The following PCDHGB1 variants were observed in gnomAD, a reference collection of about 807,000 sequenced individuals.
PCDHGB1 encodes the protein protocadherin gamma-B1.
In PCDHGB1, 34 loss-of-function variants were observed where a neutral mutation model predicts 56.6. The ratio of observed to expected loss-of-function variants is 0.60; its 90% CI spans 0.46 to 0.80. The LOEUF is 0.80. Ranked by LOEUF, PCDHGB1 falls within the 30% of genes least tolerant of loss-of-function variation. PCDHGB1 has a pLI of 0.00. For synonymous variants in PCDHGB1, 561 were observed against 505.9 expected (o/e 1.11, Z -1.46); for missense variants, 1,278 against 1,204.6 (o/e 1.06, Z -0.90).
intron 2 of PCDHGB1, among the ~76,000 whole-genome samples, chr5:141,496,121 C>A (rs1391009290): frequency 6.6e-6 from 1 of 152,088 alleles, no homozygotes; most frequent in Non-Finnish European, 1.5e-5. Flanking sequence ...TCCTTCCCTG[C>A]CCCTCACACA....
intron 1 of PCDHGB1, among the ~76,000 whole-genome samples, chr5:141,442,921 CATTTTCTA>C (rs1366534082): frequency 6.6e-6 from 1 of 152,196 alleles, no homozygotes. Context: ...ACAACTGTTT[CATTTTCTA>C]TTTAAGAAAC....
chr5:141,380,839 A>G (rs377236135), intron 1 of PCDHGB1, among the ~76,000 whole-genome samples: 1 of 152,258 alleles, frequency 6.6e-6, no homozygotes, highest in Non-Finnish European at 1.5e-5. Context: ...CATCAGGTAA[A>G]AATGGATCAA....
At chr5:141,380,816 A>C (rs546532723) in intron 1 of PCDHGB1, among the ~76,000 whole-genome samples, 1 of 152,374 alleles carries the variant, frequency 6.6e-6, no homozygotes, top group East Asian at 1.9e-4. Flanking sequence ...AGATGAAACT[A>C]TGAATTTTGA....
At chr5:141,501,036 T>C (rs893597004) in intron 2 of PCDHGB1, among the ~76,000 whole-genome samples, 4 of 151,702 alleles carry the variant, frequency 2.6e-5, no homozygotes, top group Non-Finnish European at 4.4e-5. Flanking sequence ...GCCCAGCTAA[T>C]TTTTGTATTT....
chr5:141,421,513 C>G lies in PCDHGB1; in HGVS notation c.2409+68844C>G, dbSNP rs368199651. ...GGCAGGCAGGATAGACCGGGAGGAG[C>G]TCTGTGAGACGGTGTCCTCCTGTTT... On this transcript the variant is annotated intron_variant, in intron 1 of 3. Coordinates refer to ENST00000523390, the MANE Select transcript of PCDHGB1 (RefSeq NM_018922.3). 61 of 1,614,078 alleles carry G rather than the reference C, an allele frequency of 3.8e-5. No individual in the cohort carries two copies. The African/African-American group carries it at 7.5e-4, about 20-fold the overall frequency.
In PCDHGB1 at chr5:141,510,834, G is replaced by A. The variant is rs1043468083; in HGVS notation, c.2558-113G>A. 49 of 1,581,762 alleles carry A rather than the reference G, an allele frequency of 3.1e-5. 1 individual carries two copies. The highest frequency in any genetic ancestry group is 4.0e-5 in the Non-Finnish European group (46 of 1,161,670). On this transcript the variant is annotated intron_variant, in intron 3 of 3. Coordinates refer to ENST00000523390, the MANE Select transcript of PCDHGB1 (RefSeq NM_018922.3). ...GACCCCTATATTCCCAGTGCTCAGC[G>A]TGGTCAAGGCCCAGGGTGCTGTATA...
At chr5:141,367,381 C>T (rs1164352847) in intron 1 of PCDHGB1, 1 of 151,950 alleles carries the variant, frequency 6.6e-6, no homozygotes, top group Non-Finnish European at 1.5e-5. Flanking sequence ...ACTAAAAATA[C>T]AAAAAATTAG....
intron 1 of PCDHGB1, among the ~76,000 whole-genome samples, chr5:141,453,047 G>A (rs930795400): frequency 1.3e-5 from 2 of 152,172 alleles, no homozygotes; most frequent in African/African-American, 4.8e-5. Context: ...TTTCTATTAT[G>A]TGCAGTTTTA....
chr5:141,421,960 CA>C, intron 1 of PCDHGB1: 1 of 1,612,526 alleles, frequency 6.2e-7, no homozygotes, highest in Admixed American at 1.7e-5. Flanking sequence ...AATGTTTACA[CA>C]GTCCGTATAT....
At chr5:141,416,928 A>G (rs1297487387) in intron 1 of PCDHGB1, 4 of 152,170 alleles carry the variant, frequency 2.6e-5, no homozygotes, top group Non-Finnish European at 2.9e-5. Flanking sequence ...ATAGTTATTA[A>G]CTATTAAACC....
At chr5:141,437,459 C>T (rs749625924) in intron 1 of PCDHGB1, among the ~76,000 whole-genome samples, 1 of 152,140 alleles carries the variant, frequency 6.6e-6, no homozygotes, top group Admixed American at 6.5e-5. Context: ...GGAGACTATA[C>T]TATACTTTTA....
chr5:141,374,226 T>C (rs1770289818), intron 1 of PCDHGB1: 1 of 1,613,964 alleles, frequency 6.2e-7, no homozygotes, highest in Non-Finnish European at 8.5e-7. Context: ...GTAGGCAACA[T>C]CGTCAAGGAT....
intron 1 of PCDHGB1, chr5:141,412,735 T>A (rs2095573578): frequency 6.5e-6 from 1 of 153,492 alleles, no homozygotes; most frequent in African/African-American, 2.4e-5. Context: ...GTGTTGCAAA[T>A]ATATATTTAA....
chr5:141,453,869 G>A (rs887544235), intron 1 of PCDHGB1, among the ~76,000 whole-genome samples: 9 of 152,144 alleles, frequency 5.9e-5, no homozygotes, highest in Non-Finnish European at 1.2e-4. Context: ...TAACAGATGA[G>A]CAAAATAATG....
In PCDHGB1 at chr5:141,487,819, C is replaced by A; in HGVS notation, c.2410-6988C>A. 2.3e-6 allele frequency: 3 copies of A among 1,285,528 alleles called. No homozygotes were observed. Among genetic ancestry groups the A allele is most frequent in the Non-Finnish European group, 3.2e-6 (3 of 932,998 alleles). 79.6% of individuals were successfully genotyped at this position (1,285,528 alleles called of 1,614,324 possible). On this transcript the variant is annotated intron_variant, in intron 1 of 3. Transcript: ENST00000523390. This position sits in a 1 kb window ranked among gnomAD's most constrained non-coding sequence, Gnocchi z 5.0. ...AGTTGTCACAGTTTAGCATTGGGGG[C>A]GGGTCATGCCTATATCTGAGTAAGA...
At chr5:141,409,471 AG>A in intron 1 of PCDHGB1, 1 of 1,613,978 alleles carries the variant, frequency 6.2e-7, no homozygotes, top group Non-Finnish European at 8.5e-7. Flanking sequence ...TCACCATCGT[AG>A]CCACTGACAG....
intron 1 of PCDHGB1, among the ~76,000 whole-genome samples, chr5:141,481,782 T>C (rs1348977678): frequency 6.6e-6 from 1 of 152,008 alleles, no homozygotes; most frequent in African/African-American, 2.4e-5. Context: ...TGAAACCCCG[T>C]CTCTACTAAA....
At position 141,505,390 on chromosome 5, in the gene PCDHGB1, C is replaced by T; in HGVS notation, c.2469-3C>T. On this transcript the variant is annotated splice_polypyrimidine_tract_variant and splice_region_variant and intron_variant, in intron 2 of 3. Coordinates refer to ENST00000523390, the MANE Select transcript of PCDHGB1 (RefSeq NM_018922.3). ...TGTGCTCACCATCCTACTCTCTCCCCAGCTCCCAAAATGGCGATGACACCG... is the reference window on the plus strand; with the variant it reads ...TGTGCTCACCATCCTACTCTCTCCCTAGCTCCCAAAATGGCGATGACACCG... The T allele has an allele frequency of 6.2e-7, 1 of 1,614,130 alleles. No individual in the cohort carries two copies.
At chr5:141,375,517 C>T (rs1399312320) in intron 1 of PCDHGB1, 3 of 1,614,038 alleles carry the variant, frequency 1.9e-6, no homozygotes, top group Non-Finnish European at 1.7e-6. Flanking sequence ...ATGCACTGGA[C>T]CCTGACGTGG....
Sources: gnomAD v4.1 joint callset for allele counts (sites outside exome capture counted in the v4.1 genomes callset) on GRCh38, gnomAD v4.1.1 for gene constraint, Gnocchi (gnomAD v3.1) non-coding constraint, MANE v1.5 for transcripts, NCBI Gene and HGNC (gene_info 2026-07-23, HGNC 2026-07-21) for gene names.